DNAH17: variants seen among roughly 807,000 people sequenced by gnomAD.
The protein encoded by DNAH17 is axonemal beta dynein heavy chain 17.
DNAH17 carries 376 observed loss-of-function variants against 485.6 expected under a neutral mutation model. The observed-to-expected ratio is 0.77, with a 90% CI of 0.71 to 0.84. DNAH17 has a LOEUF of 0.84. Among genes scored for constraint, DNAH17 ranks in the 40% least tolerant of loss-of-function variants. The pLI, the probability that DNAH17 is intolerant of heterozygous loss-of-function variation, is 0.00. For synonymous variants in DNAH17, 3,031 were observed against 2,405.9 expected, an observed-to-expected ratio of 1.26 and a Z score of -7.60; for missense variants, 6,370 against 5,839.3, an observed-to-expected ratio of 1.09 and a Z score of -2.96.
chr17:78,523,677 G>A (rs927644028), intron 25 of DNAH17, among the ~76,000 whole-genome samples: 8 of 152,224 alleles, frequency 5.3e-5, no homozygotes, highest in Non-Finnish European at 7.3e-5. Context: ...AGGCTGAGAC[G>A]GATGGATCGC....
intron 73 of DNAH17, among the ~76,000 whole-genome samples, chr17:78,438,452 G>GGAGGGAGGA (rs1555651774): frequency 1.2e-4 from 8 of 68,266 alleles, no homozygotes; most frequent in Non-Finnish European, 1.5e-4. Flanking sequence ...GGAGGGAGGA[G>GGAGGGAGGA]GGAGGAGGAG....
chr17:78,492,790 G>A lies in DNAH17; in HGVS notation c.6409-25C>T, dbSNP rs558866933. The stretch of plus-strand genomic sequence containing the variant: ...CCTGGCGAAGGTGGGGGTCACTCAC[G>A]TGTGACTCCATGTTCCTGGCACATC... On this transcript the variant is annotated intron_variant, in intron 41 of 80. Coordinates refer to ENST00000389840, the MANE Select transcript of DNAH17 (RefSeq NM_173628.4). 3.8e-5 allele frequency: 61 copies of A among 1,603,514 alleles called. No homozygotes were observed. In the East Asian group the frequency reaches 8.8e-4, roughly 23 times the overall value.
intron 11 of DNAH17, among the ~76,000 whole-genome samples, chr17:78,564,797 AC>A (rs1453426688): frequency 1.3e-5 from 2 of 152,142 alleles, no homozygotes; most frequent in African/African-American, 4.8e-5. Context: ...CAGGAAGACA[AC>A]GAACACACAG....
In DNAH17 at chr17:78,571,375, T is replaced by C. The variant is rs2092355011; in HGVS notation, c.736A>G (p.Asn246Asp). 1.2e-6 allele frequency: 2 copies of C among 1,612,872 alleles called. No individual in the cohort carries two copies. The highest frequency in any genetic ancestry group is 1.7e-6 in the Non-Finnish European group (2 of 1,179,134). ...ACAATCTTGTTCACTTTGGGTCTGT[T>C]TAGCTGAGAAGGGGAGTGAAGATCC... is the stretch of plus-strand genomic sequence containing the variant. ...LNLKCIHEQL[N>D]RPKVNKIVEI... Residue 246 changes from asparagine to aspartate, a missense_variant, in exon 5 of 81, where the codon AAC becomes GAC. Transcript: ENST00000389840.
intron 66 of DNAH17, among the ~76,000 whole-genome samples, 186 bp downstream of exon 66, chr17:78,451,283 G>A (rs950917226): frequency 2.6e-5 from 4 of 152,212 alleles, no homozygotes; most frequent in East Asian, 3.8e-4. Context: ...GGGGACAGCT[G>A]GGGAAGGAAA....
rs368727681 is a variant in DNAH17, at chr17:78,500,456, T to C, written c.5489A>G (p.Tyr1830Cys). 1.8e-5 allele frequency: 29 copies of C among 1,574,482 alleles called. No individual in the cohort carries two copies. Among genetic ancestry groups the C allele is most frequent in the Non-Finnish European group, 2.4e-5 (28 of 1,163,786 alleles). Residue 1830 changes from tyrosine (Y) to cysteine (C), a missense_variant, in exon 36 of 81, where the codon TAT becomes TGT. By Grantham distance (194) the Tyr-to-Cys change is radical (BLOSUM62 -2). Coordinates refer to ENST00000389840, the MANE Select transcript of DNAH17 (RefSeq NM_173628.4). ...ATGGAGGGACTGGGTCAGGGTGATA[T>C]AGCACCTGCAAGTGACCACAGGTAA... ...LVITPLTDRC[Y>C]ITLTQSLHLI...
At chr17:78,527,535 C>T (rs1386728167) in intron 22 of DNAH17, among the ~76,000 whole-genome samples, 1 of 151,350 alleles carries the variant, frequency 6.6e-6, no homozygotes, top group East Asian at 1.9e-4. Context: ...GTGTGGTCTC[C>T]CATGCAATTT....
Position 78,494,786 on chromosome 17 carries a change from G to A in DNAH17, c.6077C>T (p.Ser2026Phe), listed in dbSNP as rs2146687090. 6.2e-7 allele frequency: 1 copy of A among 1,612,436 alleles called. No homozygotes were observed. Among genetic ancestry groups the A allele is most frequent in the Non-Finnish European group, 8.5e-7 (1 of 1,179,076 alleles). Residue 2026 changes from serine to phenylalanine, a missense_variant, in exon 40 of 81, where the codon TCT becomes TTT. Ser to Phe is a radical substitution (Grantham distance 155). Transcript: ENST00000389840. Reference sequence around the variant, plus strand: ...CAGGGAGCCGGCCACCACCAGCACAGACTTGATGGCTCTCAGGCCCCAGTC... The same window carrying A: ...CAGGGAGCCGGCCACCACCAGCACAAACTTGATGGCTCTCAGGCCCCAGTC... ...HYDWGLRAIK[S>F]VLVVAGSLKR...
At position 78,494,796 on chromosome 17, in the gene DNAH17, C is replaced by T; in HGVS notation, c.6067G>A (p.Ala2023Thr). 6.2e-7 allele frequency: 1 copy of T among 1,610,374 alleles called. No homozygotes were observed. The highest frequency in any genetic ancestry group is 8.5e-7 in the Non-Finnish European group (1 of 1,177,738). The change falls in exon 40 of 81, where the codon GCC becomes ACC. Residue 2023 changes from alanine to threonine, a missense_variant. Coordinates refer to ENST00000389840, the MANE Select transcript of DNAH17 (RefSeq NM_173628.4). Reference protein sequence around the residue: ...KQDHYDWGLRAIKSVLVVAGS... With the variant: ...KQDHYDWGLRTIKSVLVVAGS... ...GCCACCACCAGCACAGACTTGATGG[C>T]TCTCAGGCCCCAGTCGTAATGATCC...
At chr17:78,472,509 G>A (rs537465786) in intron 54 of DNAH17, among the ~76,000 whole-genome samples, 1 of 152,264 alleles carries the variant, frequency 6.6e-6, no homozygotes, top group Non-Finnish European at 1.5e-5. Flanking sequence ...TGAGACCACG[G>A]CCCCTCATTC....
chr17:78,576,807 G>A (rs781406825), intron 1 of DNAH17, among the ~76,000 whole-genome samples: 1 of 152,204 alleles, frequency 6.6e-6, no homozygotes, highest in South Asian at 2.1e-4. Context: ...CATAACATGT[G>A]TGGGCTGAGG....
chr17:78,543,689 T>G (rs951566286), intron 17 of DNAH17, 168 bp downstream of exon 17: 85 of 984,234 alleles, frequency 8.6e-5, no homozygotes, highest in Non-Finnish European at 1.3e-4. Flanking sequence ...CCTCCCAGAG[T>G]GCTGGGATTA....
intron 19 of DNAH17, 67 bp downstream of exon 19, chr17:78,537,232 G>A (rs1436151746): frequency 2.8e-5 from 41 of 1,477,000 alleles, no homozygotes; most frequent in Non-Finnish European, 3.7e-5. Flanking sequence ...GCCGAGTTAG[G>A]GCGGCAACAC....
chr17:78,569,655 G>A, intron 7 of DNAH17, 128 bp from the exon 8 acceptor site: 1 of 1,211,142 alleles, frequency 8.3e-7, no homozygotes, highest in Non-Finnish European at 1.1e-6. Flanking sequence ...CCTCCTATCT[G>A]CCCACTGCTG....
chr17:78,441,418 C>T (rs1445464371), intron 71 of DNAH17, among the ~76,000 whole-genome samples: 9 of 152,120 alleles, frequency 5.9e-5, no homozygotes, highest in African/African-American at 2.2e-4. Flanking sequence ...CGAGGGGCCC[C>T]GCACTGTGCT....
chr17:78,435,756 G>A (rs932032364), intron 74 of DNAH17, among the ~76,000 whole-genome samples: 3 of 152,170 alleles, frequency 2.0e-5, no homozygotes, highest in African/African-American at 7.2e-5. Context: ...TCCAGGACTG[G>A]TGCTGACCTC....
chr17:78,437,937 G>A (rs555534575), intron 73 of DNAH17, 69 bp from the exon 74 acceptor site: 31 of 1,228,092 alleles, frequency 2.5e-5, no homozygotes, highest in Admixed American at 1.2e-4. Context: ...AGACTGGCAC[G>A]TGGCTATGTT....
At chr17:78,437,527 A>AG (rs1156316111) in intron 74 of DNAH17, 114 bp downstream of exon 74, 1 of 696,002 alleles carries the variant, frequency 1.4e-6, no homozygotes, top group Non-Finnish European at 2.4e-6. Flanking sequence ...GGAAGCCCAG[A>AG]GGGGAGGTGT....
intron 74 of DNAH17, among the ~76,000 whole-genome samples, chr17:78,436,954 G>T (rs767625426): frequency 2.0e-5 from 3 of 152,196 alleles, no homozygotes; most frequent in African/African-American, 7.2e-5. Flanking sequence ...AGAGTCAGGT[G>T]AGGACAGACC....
Sources: allele counts gnomAD v4.1 joint callset (sites outside exome capture counted in the v4.1 genomes callset), GRCh38; gene constraint gnomAD v4.1.1; transcripts MANE v1.5; gene names NCBI Gene and HGNC (gene_info 2026-07-23, HGNC 2026-07-21).